The following STK32B variants were observed in gnomAD, a reference collection of about 807,000 sequenced individuals.
The protein encoded by STK32B is serine/threonine kinase 32B.
STK32B carries 43 observed loss-of-function variants against 52.6 expected under a neutral mutation model. That is an observed-to-expected ratio of 0.82 (90% CI 0.64 to 1.05). STK32B has a LOEUF of 1.05. STK32B is among the 50% of genes least tolerant of loss of function. STK32B has a pLI of 0.00. For synonymous variants in STK32B, 238 were observed against 204.3 expected (o/e 1.17, Z -1.41); for missense variants, 621 against 534.6 (o/e 1.16, Z -1.59).
intron 3 of STK32B, among the ~76,000 whole-genome samples, chr4:5,240,347 A>T (rs73081665): frequency 0.012 from 1,833 of 152,180 alleles, 45 homozygotes; most frequent in African/African-American, 0.041. Flanking sequence ...ACTCCTAAGT[A>T]TTAATCTTTT....
In STK32B at chr4:5,398,703, C is replaced by T. The variant is rs1737084485; in HGVS notation, c.472+459C>T. ...CAAGCAGAGCTTAATACTTGATAATCCACTAAGCATTTACTCATCTATCGG... is the reference window on the plus strand; with the variant it reads ...CAAGCAGAGCTTAATACTTGATAATTCACTAAGCATTTACTCATCTATCGG... On this transcript the variant is annotated intron_variant, in intron 5 of 11. Transcript: ENST00000282908. This position sits in a 1 kb window ranked among gnomAD's most constrained non-coding sequence, Gnocchi z 4.9. 6.6e-6 allele frequency among the ~76,000 whole-genome samples: 1 copy of T among 152,208 alleles called. No homozygotes were observed. Among genetic ancestry groups the T allele is most frequent in the Non-Finnish European group, 1.5e-5 (1 of 68,038 alleles).
intron 7 of STK32B, among the ~76,000 whole-genome samples, chr4:5,447,923 T>C (rs980285682): frequency 6.6e-6 from 1 of 152,202 alleles, no homozygotes; most frequent in African/African-American, 2.4e-5. Flanking sequence ...GGCTACAGTT[T>C]TAATGTTGTT....
intron 1 of STK32B, among the ~76,000 whole-genome samples, chr4:5,053,155 C>T (rs1741856196): frequency 6.6e-6 from 1 of 152,196 alleles, no homozygotes; most frequent in African/African-American, 2.4e-5. Flanking sequence ...GTTAAGTGAG[C>T]ACCTGCTGTG....
intron 3 of STK32B, among the ~76,000 whole-genome samples, chr4:5,289,002 C>T (rs1380453488): frequency 6.6e-6 from 1 of 152,174 alleles, no homozygotes; most frequent in Admixed American, 6.5e-5. Context: ...GTTGAAAAAA[C>T]AGTCATATGT....
chr4:5,301,187 G>A (rs1032979281), intron 3 of STK32B, among the ~76,000 whole-genome samples: 5 of 151,962 alleles, frequency 3.3e-5, no homozygotes, highest in African/African-American at 1.2e-4. Context: ...CCTAGCTTTC[G>A]TTGAGGATTT....
At chr4:5,383,723 G>A (rs1048639254) in intron 4 of STK32B, among the ~76,000 whole-genome samples, 5 of 152,148 alleles carry the variant, frequency 3.3e-5, no homozygotes, top group African/African-American at 7.2e-5. Context: ...AGGTGATGAG[G>A]CATCAGCAGG....
At chr4:5,216,622 T>G (rs1186950980) in intron 3 of STK32B, among the ~76,000 whole-genome samples, 1 of 152,060 alleles carries the variant, frequency 6.6e-6, no homozygotes, top group Non-Finnish European at 1.5e-5. Flanking sequence ...ATGAGGACAC[T>G]GCAGAGGGAA....
intron 1 of STK32B, among the ~76,000 whole-genome samples, chr4:5,093,768 C>G (rs886664299): frequency 6.6e-6 from 1 of 152,170 alleles, no homozygotes; most frequent in African/African-American, 2.4e-5. Context: ...TGTTGCCCCT[C>G]TAAATGTGTA....
chr4:5,188,288 G>A (rs1356301838), intron 3 of STK32B, among the ~76,000 whole-genome samples: 2 of 152,140 alleles, frequency 1.3e-5, no homozygotes, highest in African/African-American at 4.8e-5. Flanking sequence ...CCAAAGAGCC[G>A]CAGAAATAGC....
At position 5,345,164 on chromosome 4, in the gene STK32B, A is replaced by C. The variant is rs1733367778; in HGVS notation, c.434+13771A>C. The stretch of plus-strand genomic sequence containing the variant: ...TCATTTTTATCATCTTATTGAATTC[A>C]ATAAGAAAATTTTAAAGTAAATTCT... On this transcript the variant is annotated intron_variant, in intron 4 of 11. Coordinates refer to ENST00000282908, the MANE Select transcript of STK32B (RefSeq NM_018401.3). Among the ~76,000 whole-genome samples, 7 of 151,760 alleles carry C rather than the reference A, an allele frequency of 4.6e-5. No individual in the cohort carries two copies. The South Asian group carries it at 1.5e-3, about 31-fold the overall frequency.
intron 1 of STK32B, among the ~76,000 whole-genome samples, chr4:5,062,471 C>T (rs112543515): frequency 5.3e-5 from 8 of 152,170 alleles, no homozygotes; most frequent in South Asian, 4.1e-4. Context: ...CCCATGTTTT[C>T]GAACTCCTAA....
chr4:5,304,951 GGTTTTT>G (rs1156539619), intron 3 of STK32B, among the ~76,000 whole-genome samples: 1 of 151,916 alleles, frequency 6.6e-6, no homozygotes, highest in Non-Finnish European at 1.5e-5. Context: ...ATGATCATGT[GGTTTTT>G]GTTTTTAATT....
chr4:5,071,047 C>G (rs138842141), intron 1 of STK32B, among the ~76,000 whole-genome samples: 2 of 152,136 alleles, frequency 1.3e-5, no homozygotes, highest in African/African-American at 2.4e-5. Flanking sequence ...AAACAAGCAC[C>G]GGGCCCTCCT....
chr4:5,303,603 A>G (rs1177796752), intron 3 of STK32B, among the ~76,000 whole-genome samples: 2 of 152,072 alleles, frequency 1.3e-5, no homozygotes, highest in African/African-American at 4.8e-5. Flanking sequence ...AGATGTATAC[A>G]TTGCAAAGAT....
chr4:5,450,909 G>C (rs1022009784), intron 7 of STK32B, among the ~76,000 whole-genome samples: 2 of 152,150 alleles, frequency 1.3e-5, no homozygotes, highest in Admixed American at 1.3e-4. Context: ...CCTGCTTGCT[G>C]ACCATTAGCA....
At chr4:5,495,163 C>G (rs1577065347) in intron 11 of STK32B, among the ~76,000 whole-genome samples, 1 of 152,188 alleles carries the variant, frequency 6.6e-6, no homozygotes, top group South Asian at 2.1e-4. Flanking sequence ...TAATATCCTG[C>G]AGAGTGTTTT....
At position 5,395,969 on chromosome 4, in the gene STK32B, G is replaced by A. The variant is rs1736892051; in HGVS notation, c.435-2238G>A. 1.3e-5 allele frequency among the ~76,000 whole-genome samples: 2 copies of A among 152,170 alleles called. No individual in the cohort carries two copies. Among genetic ancestry groups the A allele is most frequent in the South Asian group, 4.1e-4 (2 of 4,830 alleles). On this transcript the variant is annotated intron_variant, in intron 4 of 11. Coordinates refer to ENST00000282908, the MANE Select transcript of STK32B (RefSeq NM_018401.3). This position sits in a 1 kb window ranked among gnomAD's most constrained non-coding sequence, Gnocchi z 4.4. ...GGTGCAATGTGGATGTGGGGGCGTGGCCAGGCCCTGGGCTTGTCCAAGGCC... is the reference window on the plus strand; with the variant it reads ...GGTGCAATGTGGATGTGGGGGCGTGACCAGGCCCTGGGCTTGTCCAAGGCC...
chr4:5,207,629 G>A (rs550577911), intron 3 of STK32B, among the ~76,000 whole-genome samples: 1 of 152,054 alleles, frequency 6.6e-6, no homozygotes, highest in African/African-American at 2.4e-5. Flanking sequence ...GGGTGGCAGA[G>A]ACCAGAGAGG....
chr4:5,051,459 C>T (rs1045600313), upstream of STK32B: 1 of 229,566 alleles, frequency 4.4e-6, no homozygotes, highest in Non-Finnish European at 8.4e-6. Flanking sequence ...CTGCCTTCGT[C>T]CGTCCCCTCC....
Sources: gnomAD v4.1 joint callset for allele counts (sites outside exome capture counted in the v4.1 genomes callset) on GRCh38, gnomAD v4.1.1 for gene constraint, Gnocchi (gnomAD v3.1) non-coding constraint, MANE v1.5 for transcripts, NCBI Gene and HGNC (gene_info 2026-07-23, HGNC 2026-07-21) for gene names.